GPI: variants seen among roughly 807,000 people sequenced by gnomAD.
GPI encodes D-hexose-6-phosphate anomerase.
GPI carries 56 observed loss-of-function variants against 75.8 expected under a neutral mutation model. The observed-to-expected ratio is 0.74, with a 90% CI of 0.60 to 0.92. The LOEUF (loss-of-function observed/expected upper bound fraction) is 0.92. Among genes scored for constraint, GPI ranks in the 40% least tolerant of loss-of-function variants. The pLI is 0.00. For synonymous variants in GPI, 288 were observed against 285.4 expected, an observed-to-expected ratio of 1.01 and a Z score of -0.09; for missense variants, 638 against 741.0, an observed-to-expected ratio of 0.86 and a Z score of 1.61.
chr19:34,384,373 C>T (rs1475708499), intron 9 of GPI, among the ~76,000 whole-genome samples: 5 of 152,106 alleles, frequency 3.3e-5, no homozygotes, highest in Non-Finnish European at 2.9e-5. Flanking sequence ...ATTTTTGGGT[C>T]TCACAGGTTA....
rs1444785371 is a variant in GPI, at chr19:34,393,937, C to T, written c.933C>T (p.Pro311=). ...AGGACCAGCACTTCCGCACGACGCC[C>T]CTGGAGAAGAACGCCCCCGTCTTGC... is the stretch of plus-strand genomic sequence containing the variant. ...HWMDQHFRTT[P]LEKNAPVLLA... The change falls in exon 12 of 18, where the codon CCC becomes CCT. Residue 311 remains proline (P), a synonymous_variant. Coordinates refer to ENST00000356487, the MANE Select transcript of GPI (RefSeq NM_000175.5). This position sits in a 1 kb window ranked among gnomAD's most constrained non-coding sequence, Gnocchi z 4.4. 6.2e-7 allele frequency: 1 copy of T among 1,613,862 alleles called. No individual in the cohort carries two copies. Among genetic ancestry groups the T allele is most frequent in the Admixed American group, 1.7e-5 (1 of 60,018 alleles).
intron 3 of GPI, among the ~76,000 whole-genome samples, chr19:34,368,341 G>A (rs921246895): frequency 6.6e-6 from 1 of 152,224 alleles, no homozygotes; most frequent in African/African-American, 2.4e-5. Context: ...TTCGGGGCCT[G>A]TCCTAGGCAT....
chr19:34,391,798 G>T (rs1480629090), intron 9 of GPI, among the ~76,000 whole-genome samples: 1 of 650 alleles, frequency 1.5e-3, no homozygotes, highest in Non-Finnish European at 2.3e-3. Context: ...TGAGGAGGTG[G>T]GATCTGGTAT....
Position 34,396,804 on chromosome 19 carries a change from C to G in GPI, c.1269+147C>G, listed in dbSNP as rs1400512818. 1.8e-5 allele frequency: 13 copies of G among 720,294 alleles called. No individual in the cohort carries two copies. In the Admixed American group the frequency reaches 2.7e-4, roughly 15 times the overall value. The allele number at this position is 720,294 out of a possible 1,614,324, so 44.6% of individuals were successfully genotyped here. ...ACAAACATGGAGGCTTAAAACAACA[C>G]TCTTCTTTTGTGGGGTGGGGAGGGG... On this transcript the variant is annotated intron_variant, in intron 14 of 17. Coordinates refer to ENST00000356487, the MANE Select transcript of GPI (RefSeq NM_000175.5).
intron 3 of GPI, among the ~76,000 whole-genome samples, chr19:34,367,960 G>A (rs539270461): frequency 1.6e-4 from 24 of 152,250 alleles, no homozygotes; most frequent in South Asian, 2.1e-4. Context: ...TTGCTCTGTC[G>A]CCCAGGCTGG....
intron 4 of GPI, among the ~76,000 whole-genome samples, chr19:34,371,651 C>T (rs1296205015): frequency 6.6e-6 from 1 of 151,758 alleles, no homozygotes; most frequent in Non-Finnish European, 1.5e-5. Flanking sequence ...GAGTTCAAGA[C>T]AAGCCTGGCC....
Position 34,378,943 on chromosome 19 carries a change from A to G in GPI, c.643A>G (p.Thr215Ala). Residue 215 changes from threonine to alanine, a missense_variant, in exon 7 of 18, where the codon ACC becomes GCC. By Grantham distance (58) the Thr-to-Ala change is moderately conservative. Coordinates refer to ENST00000356487, the MANE Select transcript of GPI (RefSeq NM_000175.5). The stretch of plus-strand genomic sequence containing the variant: ...TTCTCTTTGGTTGCAGACCTTTACT[A>G]CCCAGGAGACCATCACGAATGCAGA... ...LFIIASKTFT[T>A]QETITNAETA... is the part of the protein sequence containing the mutation. The G allele has an allele frequency of 1.2e-6, 2 of 1,613,980 alleles. No homozygotes were observed. Among genetic ancestry groups the G allele is most frequent in the African/African-American group, 1.3e-5 (1 of 75,004 alleles).
intron 9 of GPI, among the ~76,000 whole-genome samples, chr19:34,389,034 G>A (rs1300716830): frequency 6.6e-6 from 1 of 151,936 alleles, no homozygotes; most frequent in Non-Finnish European, 1.5e-5. Context: ...TTGAGGCTGC[G>A]GTGAGCTGTG....
intron 4 of GPI, among the ~76,000 whole-genome samples, chr19:34,373,591 C>T (rs967412125): frequency 6.6e-6 from 1 of 151,072 alleles, no homozygotes; most frequent in Non-Finnish European, 1.5e-5. Context: ...AAGAAAATTG[C>T]TGGATCTTAT....
intron 4 of GPI, among the ~76,000 whole-genome samples, chr19:34,372,160 A>G (rs8104740): frequency 6.6e-6 from 1 of 151,442 alleles, no homozygotes; most frequent in Admixed American, 6.6e-5. Context: ...CGAACTCCTG[A>G]CCTCAGGTGA....
At chr19:34,374,130 CTTTTTTTTTTTT>C (rs749828679) in intron 4 of GPI, among the ~76,000 whole-genome samples, 2 of 114,132 alleles carry the variant, frequency 1.8e-5, no homozygotes, top group Non-Finnish European at 3.5e-5. Flanking sequence ...CCATGCCCGC[CTTTTTTTTTTTT>C]TTTTTTTTTT....
intron 9 of GPI, among the ~76,000 whole-genome samples, chr19:34,381,913 T>TAGGCCTGGAA: frequency 6.6e-6 from 1 of 152,162 alleles, no homozygotes; most frequent in South Asian, 2.1e-4. Context: ...TATGACCGGG[T>TAGGCCTGGAA]AGGCCTGGAA....
Position 34,377,720 on chromosome 19 carries a change from T to A in GPI, c.487-15T>A, listed in dbSNP as rs1245348901. 5.6e-6 allele frequency: 9 copies of A among 1,613,692 alleles called. No individual in the cohort carries two copies. Among genetic ancestry groups the A allele is most frequent in the Non-Finnish European group, 7.6e-6 (9 of 1,179,690 alleles). On this transcript the variant is annotated splice_polypyrimidine_tract_variant and intron_variant, in intron 5 of 17. Transcript: ENST00000356487. ...GCCCTGAATTCTTATTCTCTGATGC[T>A]ATGTCTCCCCGCAGGGACCCCTCAT...
chr19:34,365,825 A>T (rs1341588932), intron 1 of GPI: 3 of 470,938 alleles, frequency 6.4e-6, no homozygotes, highest in Non-Finnish European at 1.3e-5. Context: ...GGGGTGTTTG[A>T]GGGAGCTGGG....
In GPI at chr19:34,396,377, G is replaced by C. The variant is rs201411926; in HGVS notation, c.1139G>C (p.Trp380Ser). Residue 380 changes from tryptophan to serine, a missense_variant, in exon 13 of 18, where the codon TGG becomes TCG. Physicochemically the swap from Trp to Ser is radical, Grantham distance 177 (BLOSUM62 -3). Coordinates refer to ENST00000356487, the MANE Select transcript of GPI (RefSeq NM_000175.5). ...GACCACCAGACAGGCCCCATTGTGT[G>C]GGGGGAGCCAGGGACCAATGGCCAG... ...RVDHQTGPIVWGEPGTNGQHA... is the reference protein window; with the variant it reads ...RVDHQTGPIVSGEPGTNGQHA... 2.5e-6 allele frequency: 4 copies of C among 1,614,104 alleles called. No homozygotes were observed. The highest frequency in any genetic ancestry group is 3.4e-6 in the Non-Finnish European group (4 of 1,179,954).
chr19:34,365,477 C>A (rs1355152768), intron 1 of GPI, 89 bp downstream of exon 1: 1 of 1,503,812 alleles, frequency 6.6e-7, no homozygotes, highest in Non-Finnish European at 8.9e-7. Flanking sequence ...GGCAGCGGTG[C>A]CCGGGGACCC....
intron 14 of GPI, 47 bp from the exon 15 acceptor site, chr19:34,399,160 G>A (rs2074985529): frequency 6.3e-7 from 1 of 1,592,664 alleles, no homozygotes; most frequent in African/African-American, 1.3e-5. Flanking sequence ...CCCTCTGCCT[G>A]AAGCCCAGAC....
intron 9 of GPI, among the ~76,000 whole-genome samples, chr19:34,384,598 C>T (rs765334792): frequency 7.2e-5 from 11 of 152,226 alleles, no homozygotes; most frequent in East Asian, 1.9e-4. Context: ...CCAAGGAGTC[C>T]GGATTAGGCT....
At chr19:34,363,335 A>T (rs1054067421), upstream of GPI, 2 of 150,984 alleles carry the variant, frequency 1.3e-5, no homozygotes, top group African/African-American at 4.9e-5. Context: ...GAGGAGTCAG[A>T]GGGAGTCAGT....
Sources: allele counts gnomAD v4.1 joint callset (sites outside exome capture counted in the v4.1 genomes callset), GRCh38; gene constraint gnomAD v4.1.1; non-coding constraint Gnocchi (gnomAD v3.1); transcripts MANE v1.5; gene names NCBI Gene and HGNC (gene_info 2026-07-23, HGNC 2026-07-21).